Variants in PIK3CA observed in about 807,000 individuals in gnomAD.
PIK3CA encodes the protein phosphatidylinositol 4,5-bisphosphate 3-kinase catalytic subunit alpha isoform.
Under a neutral mutation model 138.2 loss-of-function variants are expected in PIK3CA, and 27 were observed. The observed-to-expected ratio is 0.20, with a 90% CI of 0.14 to 0.27. The LOEUF (loss-of-function observed/expected upper bound fraction) is 0.27, where lower values mean the gene tolerates loss of function less well. Among genes scored for constraint, PIK3CA ranks in the 10% least tolerant of loss-of-function variants. The probability of loss-of-function intolerance (pLI) is 1.00; values close to 1 mark genes in which losing one functional copy is unlikely to be tolerated. For synonymous variants in PIK3CA, 358 were observed against 413.2 expected, an observed-to-expected ratio of 0.87 and a Z score of 1.62; for missense variants, 544 against 1,277.4, an observed-to-expected ratio of 0.43 and a Z score of 8.75.
chr3:179,158,065 T>C (rs992369055), intron 1 of PIK3CA, among the ~76,000 whole-genome samples: 1 of 152,148 alleles, frequency 6.6e-6, no homozygotes, highest in Non-Finnish European at 1.5e-5. Context: ...TTGGGTGCTT[T>C]AACATTATGA....
intron 4 of PIK3CA, 67 bp downstream of exon 4, chr3:179,201,607 G>GTCTTTTT: frequency 1.3e-6 from 1 of 793,694 alleles, no homozygotes; most frequent in Non-Finnish European, 1.8e-6. Flanking sequence ...ATGAGTATCT[G>GTCTTTTT]TATTTTTTTT....
intron 1 of PIK3CA, among the ~76,000 whole-genome samples, chr3:179,184,204 C>T (rs1210151680): frequency 6.6e-6 from 1 of 152,218 alleles, no homozygotes; most frequent in Admixed American, 6.5e-5. Flanking sequence ...AGTCCATTTA[C>T]ACCTTCTCCT....
In PIK3CA at chr3:179,174,020, G is replaced by T. The variant is rs140090721; in HGVS notation, c.-76-24730G>T. On this transcript the variant is annotated intron_variant, in intron 1 of 20. Coordinates refer to ENST00000263967, the MANE Select transcript of PIK3CA (RefSeq NM_006218.4). ...TGGGATTACAGGCGTGACCCATTGC[G>T]CCCGGCCCGGAAGTGTTTTAAAACT... Among the ~76,000 whole-genome samples, 29 of 152,076 alleles carry T rather than the reference G, an allele frequency of 1.9e-4. No individual in the cohort carries two copies. In the East Asian group the frequency reaches 5.6e-3, roughly 30 times the overall value.
chr3:179,200,069 C>A (rs191376279), intron 3 of PIK3CA, among the ~76,000 whole-genome samples, 170 bp downstream of exon 3: 1 of 151,408 alleles, frequency 6.6e-6, no homozygotes, highest in African/African-American at 2.4e-5. Flanking sequence ...AAATTATGTA[C>A]AATCAATATT....
intron 1 of PIK3CA, among the ~76,000 whole-genome samples, chr3:179,148,992 G>T (rs1722935651): frequency 6.6e-6 from 1 of 152,130 alleles, no homozygotes; most frequent in Non-Finnish European, 1.5e-5. Flanking sequence ...GGGCTGCCGC[G>T]AGGACTGCGG....
Position 179,219,110 on chromosome 3 carries a change from A to G in PIK3CA, c.1665-86A>G. ...AATGTAAGAAGTTTGGGACTTCTTA[A>G]GAAGATTCATATGGAGAAGTTAGAC... On this transcript the variant is annotated intron_variant, in intron 10 of 20. Transcript: ENST00000263967. This position sits in a 1 kb window ranked among gnomAD's most constrained non-coding sequence, Gnocchi z 4.2. 1 of 742,302 alleles carries G rather than the reference A, an allele frequency of 1.3e-6. No homozygotes were observed. Among genetic ancestry groups the G allele is most frequent in the Non-Finnish European group, 2.3e-6 (1 of 435,044 alleles). 46.0% of individuals were successfully genotyped at this position (742,302 alleles called of 1,614,324 possible). A position where few individuals can be genotyped will look rare whatever the true frequency, so the allele number is the denominator to read the frequency against.
rs753083830 is a variant in PIK3CA at position 179,199,682 on chromosome 3, T to A, written c.353-8T>A. ...GAATGTTATATTCTTTATGTAATTTTATTAAAGGTTTTGCTATCGGCATGC... is the reference window on the plus strand; with the variant it reads ...GAATGTTATATTCTTTATGTAATTTAATTAAAGGTTTTGCTATCGGCATGC... On this transcript the variant is annotated splice_polypyrimidine_tract_variant and splice_region_variant and intron_variant, in intron 2 of 20. Coordinates refer to ENST00000263967, the MANE Select transcript of PIK3CA (RefSeq NM_006218.4). 1 of 1,587,506 alleles carries A rather than the reference T, an allele frequency of 6.3e-7. No homozygotes were observed. Among genetic ancestry groups the A allele is most frequent in the South Asian group, 1.1e-5 (1 of 90,394 alleles).
chr3:179,149,254 C>T (rs1191438368), intron 1 of PIK3CA, among the ~76,000 whole-genome samples: 3 of 152,164 alleles, frequency 2.0e-5, no homozygotes, highest in Non-Finnish European at 4.4e-5. Flanking sequence ...GACACTGACT[C>T]ATGTGACTTG....
At chr3:179,170,379 G>A (rs867696157) in intron 1 of PIK3CA, among the ~76,000 whole-genome samples, 2 of 152,178 alleles carry the variant, frequency 1.3e-5, no homozygotes, top group East Asian at 1.9e-4. Flanking sequence ...TGTTGGTAAC[G>A]GAGTGAATTC....
rs67871207 is a variant in PIK3CA, at chr3:179,210,060, AT to A, written c.1252-114del. 127,708 of 538,088 alleles carry A rather than the reference AT, an allele frequency of 0.24. 8,945 individuals are homozygous for A. The highest frequency in any genetic ancestry group is 0.39 in the African/African-American group (19,292 of 48,932). The allele number at this position is 538,088 out of a possible 1,614,324, so 33.3% of individuals were successfully genotyped here. A position where few individuals can be genotyped will look rare whatever the true frequency, so the allele number is the denominator to read the frequency against. ...AATGGGCTTAAACCTTGAAAAATCA[AT>A]TTTTTTTTTTTAGATATTCCCATTA... is the stretch of plus-strand genomic sequence containing the variant. On this transcript the variant is annotated intron_variant, in intron 7 of 20. Transcript: ENST00000263967.
At chr3:179,170,352 C>T (rs1723530022) in intron 1 of PIK3CA, among the ~76,000 whole-genome samples, 1 of 152,210 alleles carries the variant, frequency 6.6e-6, no homozygotes, top group Admixed American at 6.5e-5. Flanking sequence ...CTCACATTCT[C>T]CCCAAAGTGA....
intron 9 of PIK3CA, among the ~76,000 whole-genome samples, chr3:179,214,618 A>T (rs1055007841): frequency 2.6e-5 from 4 of 152,208 alleles, no homozygotes; most frequent in Non-Finnish European, 5.9e-5. Context: ...TGACACAGAG[A>T]CAAAAAATGA....
At chr3:179,167,027 A>T (rs775937003) in intron 1 of PIK3CA, among the ~76,000 whole-genome samples, 10 of 152,160 alleles carry the variant, frequency 6.6e-5, no homozygotes, top group Non-Finnish European at 1.5e-5. Context: ...AACCAAGAAA[A>T]TGGAAATTAG....
intron 9 of PIK3CA, among the ~76,000 whole-genome samples, chr3:179,216,390 AT>A (rs199636066): frequency 6.6e-6 from 1 of 151,776 alleles, no homozygotes; most frequent in Non-Finnish European, 1.5e-5. Context: ...ATGCACCAAA[AT>A]TTTTTTTTAA....
chr3:179,217,533 T>G (rs1724864907), intron 9 of PIK3CA, among the ~76,000 whole-genome samples: 1 of 152,132 alleles, frequency 6.6e-6, no homozygotes, highest in African/African-American at 2.4e-5. Context: ...TTTAAAAATA[T>G]ATGTAACCCA....
rs530370317 is a variant in PIK3CA at position 179,197,533 on chromosome 3, A to G, written c.-76-1217A>G. 9.2e-5 allele frequency among the ~76,000 whole-genome samples: 14 copies of G among 152,352 alleles called. No homozygotes were observed. In the South Asian group the frequency reaches 2.3e-3, roughly 25 times the overall value. ...TCATATTCTTTGCCTTGTCTTGTGA[A>G]GGCAAGGGCCATGTCTATCTTATTC... On this transcript the variant is annotated intron_variant, in intron 1 of 20. Coordinates refer to ENST00000263967, the MANE Select transcript of PIK3CA (RefSeq NM_006218.4).
chr3:179,207,329 G>T (rs1453485862), intron 6 of PIK3CA, among the ~76,000 whole-genome samples: 1 of 152,140 alleles, frequency 6.6e-6, no homozygotes, highest in Admixed American at 6.6e-5. Flanking sequence ...AATTGAGCAT[G>T]TGTATATGTG....
rs377587918 is a variant in PIK3CA, at chr3:179,198,634, A to C, written c.-76-116A>C. On this transcript the variant is annotated intron_variant, in intron 1 of 20. Coordinates refer to ENST00000263967, the MANE Select transcript of PIK3CA (RefSeq NM_006218.4). The stretch of plus-strand genomic sequence containing the variant: ...AGAATACTTAAGATGAATTATTACT[A>C]CTTAGCCTAATCAAGTCAAACTATG... 25 of 427,114 alleles carry C rather than the reference A, an allele frequency of 5.9e-5. 2 individuals are homozygous for C. Among genetic ancestry groups the C allele is most frequent in the African/African-American group, 4.1e-4 (20 of 49,232 alleles). 26.5% of individuals were successfully genotyped at this position (427,114 alleles called of 1,614,324 possible). A position where few individuals can be genotyped will look rare whatever the true frequency, so the allele number is the denominator to read the frequency against.
At chr3:179,205,591 A>G (rs1354023735) in intron 6 of PIK3CA, among the ~76,000 whole-genome samples, 1 of 152,196 alleles carries the variant, frequency 6.6e-6, no homozygotes, top group East Asian at 1.9e-4. Flanking sequence ...TTTCAAATAA[A>G]GGGTCTTTGG....
Sources: gnomAD v4.1 joint callset for allele counts (sites outside exome capture counted in the v4.1 genomes callset) on GRCh38, gnomAD v4.1.1 for gene constraint, Gnocchi (gnomAD v3.1) non-coding constraint, MANE v1.5 for transcripts, NCBI Gene and HGNC (gene_info 2026-07-23, HGNC 2026-07-21) for gene names.